NTM: variants seen among roughly 807,000 people sequenced by gnomAD.
NTM encodes the protein IgLON family member 2.
Under a neutral mutation model 42.1 loss-of-function variants are expected in NTM, and 13 were observed. The ratio of observed to expected loss-of-function variants is 0.31; its 90% CI spans 0.20 to 0.49. The LOEUF (loss-of-function observed/expected upper bound fraction) is 0.49, where lower values mean the gene tolerates loss of function less well. NTM is among the 20% of genes least tolerant of loss of function. The pLI is 0.99. For synonymous variants in NTM, 187 were observed against 179.2 expected (o/e 1.04, Z -0.35); for missense variants, 373 against 452.8 (o/e 0.82, Z 1.60).
chr11:131,938,462 C>T (rs1283387162), intron 2 of NTM, among the ~76,000 whole-genome samples: 1 of 152,212 alleles, frequency 6.6e-6, no homozygotes, highest in Non-Finnish European at 1.5e-5. Flanking sequence ...AGCATGAGAG[C>T]ACTGCAAGAT....
At chr11:132,000,546 T>C (rs1016791583) in intron 2 of NTM, among the ~76,000 whole-genome samples, 2 of 152,222 alleles carry the variant, frequency 1.3e-5, no homozygotes, top group East Asian at 3.9e-4. Context: ...AGTACATTTT[T>C]CATATTATGT....
At position 131,908,480 on chromosome 11, in the gene NTM, A is replaced by G. The variant is rs114467392; in HGVS notation, c.83-3084A>G. On this transcript the variant is annotated intron_variant, in intron 1 of 8. Coordinates refer to ENST00000683400, the MANE Select transcript of NTM (RefSeq NM_001352005.2). The stretch of plus-strand genomic sequence containing the variant: ...CCAGGATTAGCATTTATCATGAATC[A>G]TCCCTGCCATTCTCAGGCCTCTAGG... 5.8e-3 allele frequency among the ~76,000 whole-genome samples: 889 copies of G among 152,344 alleles called. 11 individuals carry two copies. Among genetic ancestry groups the G allele is most frequent in the African/African-American group, 0.02 (848 of 41,572 alleles).
rs746542859 is a variant in NTM at position 131,810,536 on chromosome 11, G to A, written c.83-101028G>A. Among the ~76,000 whole-genome samples, 22 of 152,286 alleles carry A rather than the reference G, an allele frequency of 1.4e-4. 1 individual carries two copies. Among genetic ancestry groups the A allele is most frequent in the Middle Eastern group, 6.8e-3 (2 of 292 alleles). The stretch of plus-strand genomic sequence containing the variant: ...CAGACTGATAGGAATGAGCACGAGC[G>A]GCAGGTGGGCAGGTACCATGCTTGT... On this transcript the variant is annotated intron_variant, in intron 1 of 8. Transcript: ENST00000683400.
At chr11:131,875,048 C>T (rs1176074404) in intron 1 of NTM, among the ~76,000 whole-genome samples, 2 of 152,198 alleles carry the variant, frequency 1.3e-5, no homozygotes, top group African/African-American at 4.8e-5. Flanking sequence ...TAAGCTGAGA[C>T]AGAACTGGGG....
chr11:131,642,668 C>T (rs2065276599), intron 1 of NTM, among the ~76,000 whole-genome samples: 1 of 152,110 alleles, frequency 6.6e-6, no homozygotes, highest in Non-Finnish European at 1.5e-5. Flanking sequence ...ATGGAGTTGA[C>T]CCAACCTGGG....
At chr11:132,154,163 G>A (rs1419499232) in intron 3 of NTM, among the ~76,000 whole-genome samples, 1 of 152,176 alleles carries the variant, frequency 6.6e-6, no homozygotes, top group South Asian at 2.1e-4. Context: ...CTCAGTTTCA[G>A]GTGGAACCAG....
chr11:131,527,247 C>T (rs2050627739), intron 1 of NTM, among the ~76,000 whole-genome samples: 2 of 152,180 alleles, frequency 1.3e-5, no homozygotes, highest in Non-Finnish European at 1.5e-5. Context: ...CTGAACCCAA[C>T]CTGTTTGGCT....
intron 1 of NTM, among the ~76,000 whole-genome samples, chr11:131,693,549 G>A (rs2075053938): frequency 6.6e-6 from 1 of 152,154 alleles, no homozygotes; most frequent in Admixed American, 6.5e-5. Flanking sequence ...AGCAGCTGCA[G>A]GATTATCTAT....
intron 1 of NTM, among the ~76,000 whole-genome samples, chr11:131,518,719 C>A (rs76220012): frequency 0.016 from 2,374 of 152,296 alleles, 70 homozygotes; most frequent in African/African-American, 0.054. Flanking sequence ...ATACTTTCCT[C>A]ATCTTTCCTG....
Position 132,335,334 on chromosome 11 carries a change from G to T in NTM, c.*188G>T, listed in dbSNP as rs2095864471. ...TTGGGGGGAAAAAAGTTTTAAAAAAGAAATTGAAAATTGCCTTGCAGATAT... is the reference window on the plus strand; with the variant it reads ...TTGGGGGGAAAAAAGTTTTAAAAAATAAATTGAAAATTGCCTTGCAGATAT... On this transcript the variant is annotated 3_prime_UTR_variant, in exon 9 of 9. Transcript: ENST00000683400. 2 of 651,378 alleles carry T rather than the reference G, an allele frequency of 3.1e-6. No individual in the cohort carries two copies. The highest frequency in any genetic ancestry group is 5.1e-6 in the Non-Finnish European group (2 of 393,552). The allele number at this position is 651,378 out of a possible 1,614,324, so 40.3% of individuals were successfully genotyped here.
intron 1 of NTM, among the ~76,000 whole-genome samples, chr11:131,517,789 C>T (rs1440173880): frequency 6.6e-6 from 1 of 152,122 alleles, no homozygotes; most frequent in Non-Finnish European, 1.5e-5. Context: ...TTCCAGCCAG[C>T]CCCCACTCTT....
At chr11:131,618,067 C>G (rs191269021) in intron 1 of NTM, among the ~76,000 whole-genome samples, 2 of 152,314 alleles carry the variant, frequency 1.3e-5, no homozygotes, top group East Asian at 3.9e-4. Flanking sequence ...AAAGCAATCC[C>G]AGAAAGGCTT....
intron 2 of NTM, among the ~76,000 whole-genome samples, chr11:132,046,864 C>A (rs902645276): frequency 6.6e-6 from 1 of 152,152 alleles, no homozygotes; most frequent in African/African-American, 2.4e-5. Flanking sequence ...ATATATCTAT[C>A]ATCTATTTAT....
At chr11:131,436,862 T>C (rs915619785) in intron 1 of NTM, among the ~76,000 whole-genome samples, 12 of 152,316 alleles carry the variant, frequency 7.9e-5, no homozygotes, top group Non-Finnish European at 1.6e-4. Context: ...TCTAGTTCTT[T>C]TAATTGTGAT....
chr11:131,907,271 A>G (rs528297360), intron 1 of NTM, among the ~76,000 whole-genome samples: 31 of 152,324 alleles, frequency 2.0e-4, no homozygotes, highest in Non-Finnish European at 4.3e-4. Context: ...GAGTAAAACA[A>G]AAACAACAGC....
chr11:132,005,949 A>C (rs895100897), intron 2 of NTM, among the ~76,000 whole-genome samples: 1 of 152,206 alleles, frequency 6.6e-6, no homozygotes, highest in African/African-American at 2.4e-5. Context: ...AAAGATTTTA[A>C]CCACATTTGC....
At chr11:132,091,247 C>G (rs1199011514) in intron 2 of NTM, among the ~76,000 whole-genome samples, 2 of 151,526 alleles carry the variant, frequency 1.3e-5, no homozygotes, top group East Asian at 2.0e-4. Flanking sequence ...TACACACATA[C>G]AAAAAAACAA....
chr11:132,220,998 C>T (rs571435669), intron 4 of NTM, among the ~76,000 whole-genome samples: 20 of 152,246 alleles, frequency 1.3e-4, no homozygotes, highest in African/African-American at 4.6e-4. Flanking sequence ...GGTACCTCCT[C>T]GAGTCACACC....
Position 131,795,150 on chromosome 11 carries a change from G to A in NTM, c.83-116414G>A, listed in dbSNP as rs77754531. 771 of 418,392 alleles carry A rather than the reference G, an allele frequency of 1.8e-3. 11 individuals are homozygous for A. Among genetic ancestry groups the A allele is most frequent in the African/African-American group, 0.016 (730 of 46,384 alleles). 25.9% of individuals were successfully genotyped at this position (418,392 alleles called of 1,614,324 possible). ...TTGTATTAAAGTATGCATCTCAATC[G>A]CTGAGTTTTTTGTCACCCACTTAAA... On this transcript the variant is annotated intron_variant, in intron 1 of 8. Coordinates refer to ENST00000683400, the MANE Select transcript of NTM (RefSeq NM_001352005.2).
Sources: gnomAD v4.1 joint callset for allele counts (sites outside exome capture counted in the v4.1 genomes callset) on GRCh38, gnomAD v4.1.1 for gene constraint, MANE v1.5 for transcripts, NCBI Gene and HGNC (gene_info 2026-07-23, HGNC 2026-07-21) for gene names.